GPR15: variants seen among roughly 807,000 people sequenced by gnomAD.
The protein encoded by GPR15 is brother of Bonzo.
Under a neutral mutation model 19.3 loss-of-function variants are expected in GPR15, and 16 were observed. The ratio of observed to expected loss-of-function variants is 0.83; its 90% CI spans 0.56 to 1.26. GPR15 has a LOEUF of 1.26. Among genes scored for constraint, GPR15 ranks in the 50% most tolerant of loss-of-function variants. The pLI is 0.00. For missense variants in GPR15, 458 were observed against 429.4 expected, an observed-to-expected ratio of 1.07 and a Z score of -0.59; for synonymous variants, 170 against 171.2, an observed-to-expected ratio of 0.99 and a Z score of 0.05.
In GPR15 at chr3:98,532,275, T is replaced by C; in HGVS notation, c.242T>C (p.Ile81Thr). The C allele has an allele frequency of 1.3e-5, 21 of 1,614,168 alleles. No homozygotes were observed. The highest frequency in any genetic ancestry group is 1.5e-5 in the Non-Finnish European group (18 of 1,180,032). Reference protein sequence around the residue: ...FIINLAASDFIFLVTLPLWVD... With the variant: ...FIINLAASDFTFLVTLPLWVD... Reference sequence around the variant, plus strand: ...ATCAATCTGGCTGCCTCTGACTTCATTTTTCTTGTCACATTGCCTCTCTGG... The same window carrying C: ...ATCAATCTGGCTGCCTCTGACTTCACTTTTCTTGTCACATTGCCTCTCTGG... Residue 81 changes from isoleucine to threonine, a missense_variant, in exon 1 of 1, where the codon ATT (isoleucine) becomes ACT (threonine). By Grantham distance (89) the Ile-to-Thr change is moderately conservative. Transcript: ENST00000284311.
Position 98,532,055 on chromosome 3 carries a change from G to A in GPR15, c.22G>A (p.Val8Ile). Reference protein sequence around the residue: MDPEETSVYLDYYYATSP... With the variant: MDPEETSIYLDYYYATSP... ...GGTGATGGACCCAGAAGAAACTTCAGTTTATTTGGATTATTACTATGCTAC... is the reference window on the plus strand; with the variant it reads ...GGTGATGGACCCAGAAGAAACTTCAATTTATTTGGATTATTACTATGCTAC... Residue 8 changes from valine (V) to isoleucine (I), a missense_variant, in exon 1 of 1, where the codon GTT (valine) becomes ATT (isoleucine). Transcript: ENST00000284311. 3.1e-6 allele frequency: 5 copies of A among 1,609,062 alleles called. No homozygotes were observed. Among genetic ancestry groups the A allele is most frequent in the Non-Finnish European group, 4.3e-6 (5 of 1,176,134 alleles).
Position 98,532,335 on chromosome 3 carries a change from C to G in GPR15, c.302C>G (p.Thr101Arg), listed in dbSNP as rs746880733. The G allele has an allele frequency of 1.9e-6, 3 of 1,614,010 alleles. No homozygotes were observed. The East Asian group carries it at 6.7e-5, about 36-fold the overall frequency. ...DKEASLGLWR[T>R]GSFLCKGSSY... ...GAAGCATCTCTAGGACTGTGGAGGA[C>G]GGGCTCCTTCCTGTGCAAAGGGAGC... The change falls in exon 1 of 1, where the codon ACG becomes AGG. Residue 101 changes from threonine to arginine, a missense_variant. Thr to Arg is a moderately conservative substitution (Grantham distance 71, BLOSUM62 -1). Transcript: ENST00000284311.
rs772378788 is a variant in GPR15, at chr3:98,533,991, A to T, written c.*875A>T. 6.6e-6 allele frequency among the ~76,000 whole-genome samples: 1 copy of T among 152,190 alleles called. No individual in the cohort carries two copies. Among genetic ancestry groups the T allele is most frequent in the Non-Finnish European group, 1.5e-5 (1 of 68,020 alleles). ...TTAATTACCCAGTTATCTAGTTATC[A>T]AATGAAAATGTTATTACTAATATAA... On this transcript the variant is annotated 3_prime_UTR_variant, in exon 1 of 1. Coordinates refer to ENST00000284311, the MANE Select transcript of GPR15 (RefSeq NM_005290.4).
chr3:98,533,067 T>C lies in GPR15; in HGVS notation c.1034T>C (p.Ile345Thr). 1 of 1,613,298 alleles carries C rather than the reference T, an allele frequency of 6.2e-7. No individual in the cohort carries two copies. Among genetic ancestry groups the C allele is most frequent in the Non-Finnish European group, 8.5e-7 (1 of 1,179,940 alleles). The change falls in exon 1 of 1, where the codon ATT (isoleucine) becomes ACT (threonine). Residue 345 changes from isoleucine to threonine, a missense_variant. Coordinates refer to ENST00000284311, the MANE Select transcript of GPR15 (RefSeq NM_005290.4). ...SHLTKALSTFIHAEDFARRRK... is the reference protein window; with the variant it reads ...SHLTKALSTFTHAEDFARRRK... ...CTCACTAAGGCTCTCTCCACCTTCA[T>C]TCATGCAGAAGATTTTGCCAGGAGG...
rs1045488008 is a variant in GPR15, at chr3:98,534,473, GA to G, written c.*1361del. 6.6e-5 allele frequency among the ~76,000 whole-genome samples: 10 copies of G among 152,062 alleles called. 1 individual carries two copies. The highest frequency in any genetic ancestry group is 2.9e-5 in the Non-Finnish European group (2 of 67,982). ...CATTTTACTTCTAAATATTAGATTT[GA>G]AAATCAGAAAAAACTTAGAATCCTT... is the stretch of plus-strand genomic sequence containing the variant. On this transcript the variant is annotated 3_prime_UTR_variant, in exon 1 of 1. Transcript: ENST00000284311.
Position 98,534,212 on chromosome 3 carries a change from A to G in GPR15, c.*1096A>G, listed in dbSNP as rs2107174526. On this transcript the variant is annotated 3_prime_UTR_variant, in exon 1 of 1. Transcript: ENST00000284311. ...GAAAATCTCTAACAAAGATCTCACT[A>G]GTATTTTATATATATTTTTTCCATA... Among the ~76,000 whole-genome samples, 1 of 152,284 alleles carries G rather than the reference A, an allele frequency of 6.6e-6. No homozygotes were observed. Among genetic ancestry groups the G allele is most frequent in the South Asian group, 2.1e-4 (1 of 4,832 alleles).
rs765989287 is a variant in GPR15 at position 98,532,080 on chromosome 3, C to G, written c.47C>G (p.Thr16Arg). 1.2e-6 allele frequency: 2 copies of G among 1,613,936 alleles called. No homozygotes were observed. Among genetic ancestry groups the G allele is most frequent in the South Asian group, 1.1e-5 (1 of 91,076 alleles). The stretch of plus-strand genomic sequence containing the variant: ...GTTTATTTGGATTATTACTATGCTA[C>G]GAGCCCAAACTCTGACATCAGGGAG... ...TSVYLDYYYA[T>R]SPNSDIRETH... is the part of the protein sequence containing the mutation. Residue 16 changes from threonine (T) to arginine (R), a missense_variant, in exon 1 of 1, where the codon ACG (threonine) becomes AGG (arginine). Transcript: ENST00000284311.
At position 98,532,090 on chromosome 3, in the gene GPR15, C is replaced by A; in HGVS notation, c.57C>A (p.Asn19Lys). The A allele has an allele frequency of 1.4e-5, 23 of 1,614,086 alleles. No individual in the cohort carries two copies. Among genetic ancestry groups the A allele is most frequent in the Non-Finnish European group, 1.9e-5 (22 of 1,179,936 alleles). Residue 19 changes from asparagine (N) to lysine (K), a missense_variant, in exon 1 of 1, where the codon AAC becomes AAA. Physicochemically the swap from Asn to Lys is moderately conservative, Grantham distance 94. Transcript: ENST00000284311. ...ATTATTACTATGCTACGAGCCCAAA[C>A]TCTGACATCAGGGAGACCCACTCCC... is the stretch of plus-strand genomic sequence containing the variant. ...YLDYYYATSP[N>K]SDIRETHSHV...
In GPR15 at chr3:98,532,841, C is replaced by T. The variant is rs184502691; in HGVS notation, c.808C>T (p.Arg270Trp). 72 of 1,613,898 alleles carry T rather than the reference C, an allele frequency of 4.5e-5. No individual in the cohort carries two copies. The Admixed American group carries it at 7.0e-4, about 16-fold the overall frequency. Residue 270 changes from arginine to tryptophan, a missense_variant, in exon 1 of 1, where the codon CGG becomes TGG. Physicochemically the swap from Arg to Trp is moderately radical, Grantham distance 101. Transcript: ENST00000284311. ...GTTCCTGGCCATTGTCTCTGGGTTG[C>T]GGCAAGAACACTATTTACCCTCAGC... is the stretch of plus-strand genomic sequence containing the variant. The part of the protein sequence containing the change: ...FKFLAIVSGL[R>W]QEHYLPSAIL...
chr3:98,532,795 G>A lies in GPR15; in HGVS notation c.762G>A (p.Trp254Ter), dbSNP rs1706658613. Residue 254 changes from tryptophan (W) to a stop codon, truncating the protein, a stop_gained, in exon 1 of 1, where the codon TGG becomes TGA. Coordinates refer to ENST00000284311, the MANE Select transcript of GPR15 (RefSeq NM_005290.4). LOFTEE classifies it high-confidence loss of function. ...TCGTGGCAGCCTTTCTTGTCTCCTG[G>A]CTGCCCTTCAATACTTTCAAGTTCC... is the stretch of plus-strand genomic sequence containing the variant. ...FIVVAAFLVS[W>*]LPFNTFKFLA... 1 of 1,613,802 alleles carries A rather than the reference G, an allele frequency of 6.2e-7. No individual in the cohort carries two copies. Among genetic ancestry groups the A allele is most frequent in the African/African-American group, 1.3e-5 (1 of 74,884 alleles).
chr3:98,532,182 G>A lies in GPR15; in HGVS notation c.149G>A (p.Gly50Glu), dbSNP rs1706645095. ...YTAVFLTGVL[G>E]NLVLMGALHF... ...GCTGTGTTCCTGACTGGAGTGCTGG[G>A]GAACCTTGTTCTCATGGGAGCGTTG... Residue 50 changes from glycine (G) to glutamate (E), a missense_variant, in exon 1 of 1, where the codon GGG becomes GAG. Coordinates refer to ENST00000284311, the MANE Select transcript of GPR15 (RefSeq NM_005290.4). 1.1e-5 allele frequency: 18 copies of A among 1,614,058 alleles called. No homozygotes were observed. The highest frequency in any genetic ancestry group is 6.7e-5 in the East Asian group (3 of 44,904).
chr3:98,533,878 C>G lies in GPR15; in HGVS notation c.*762C>G, dbSNP rs1033660339. Among the ~76,000 whole-genome samples the G allele has an allele frequency of 1.3e-5, 2 of 152,138 alleles. No individual in the cohort carries two copies. The highest frequency in any genetic ancestry group is 2.4e-5 in the African/African-American group (1 of 41,412). ...ATGTATCTCATTCATAATGGTGTAGCAACTACTTTTTAATGGGGTTTTACT... is the reference window on the plus strand; with the variant it reads ...ATGTATCTCATTCATAATGGTGTAGGAACTACTTTTTAATGGGGTTTTACT... On this transcript the variant is annotated 3_prime_UTR_variant, in exon 1 of 1. Transcript: ENST00000284311.
In GPR15 at chr3:98,532,054, A is replaced by G. The variant is rs570860091; in HGVS notation, c.21A>G (p.Ser7=). 30 of 1,607,718 alleles carry G rather than the reference A, an allele frequency of 1.9e-5. No homozygotes were observed. The highest frequency in any genetic ancestry group is 2.5e-5 in the Non-Finnish European group (29 of 1,175,248). Residue 7 remains serine (S), a synonymous_variant, in exon 1 of 1, where the codon TCA becomes TCG. Coordinates refer to ENST00000284311, the MANE Select transcript of GPR15 (RefSeq NM_005290.4). MDPEET[S]VYLDYYYATS... is the part of the protein sequence containing the mutation. Reference sequence around the variant, plus strand: ...TGGTGATGGACCCAGAAGAAACTTCAGTTTATTTGGATTATTACTATGCTA... The same window carrying G: ...TGGTGATGGACCCAGAAGAAACTTCGGTTTATTTGGATTATTACTATGCTA...
chr3:98,532,434 C>A lies in GPR15; in HGVS notation c.401C>A (p.Ala134Asp), dbSNP rs1312767972. 1 of 1,614,140 alleles carries A rather than the reference C, an allele frequency of 6.2e-7. No individual in the cohort carries two copies. The highest frequency in any genetic ancestry group is 1.7e-5 in the Admixed American group (1 of 60,020). Reference protein sequence around the residue: ...LTCMSVDRYLAIVWPVVSRKF... With the variant: ...LTCMSVDRYLDIVWPVVSRKF... Reference sequence around the variant, plus strand: ...TGCATGAGTGTTGACCGCTACCTGGCCATTGTGTGGCCAGTCGTATCCAGG... The same window carrying A: ...TGCATGAGTGTTGACCGCTACCTGGACATTGTGTGGCCAGTCGTATCCAGG... The change falls in exon 1 of 1, where the codon GCC becomes GAC. Residue 134 changes from alanine (A) to aspartate (D), a missense_variant. Transcript: ENST00000284311.
rs756664994 is a variant in GPR15, at chr3:98,532,889, G to A, written c.856G>A (p.Val286Met). The change falls in exon 1 of 1, where the codon GTG becomes ATG. Residue 286 changes from valine to methionine, a missense_variant. By Grantham distance (21) the Val-to-Met change is conservative. Transcript: ENST00000284311. The part of the protein sequence containing the change: ...PSAILQLGME[V>M]SGPLAFANSC... ...AGCTATTCTTCAGCTTGGTATGGAG[G>A]TGAGTGGACCCTTGGCATTTGCCAA... 30 of 1,614,026 alleles carry A rather than the reference G, an allele frequency of 1.9e-5. No homozygotes were observed. The highest frequency in any genetic ancestry group is 1.6e-4 in the Middle Eastern group (1 of 6,082).
chr3:98,533,360 A>G lies in GPR15; in HGVS notation c.*244A>G, dbSNP rs917131903. Among the ~76,000 whole-genome samples the G allele has an allele frequency of 1.3e-5, 2 of 152,118 alleles. No individual in the cohort carries two copies. The highest frequency in any genetic ancestry group is 2.9e-5 in the Non-Finnish European group (2 of 68,022). ...GTCCACCAGACAAAATCCAATTCCC[A>G]TCTGTCCTTGAACTCCTGGATAAAG... On this transcript the variant is annotated 3_prime_UTR_variant, in exon 1 of 1. Coordinates refer to ENST00000284311, the MANE Select transcript of GPR15 (RefSeq NM_005290.4).
chr3:98,532,997 A>C lies in GPR15; in HGVS notation c.964A>C (p.Lys322Gln). 6.2e-7 allele frequency: 1 copy of C among 1,614,060 alleles called. No individual in the cohort carries two copies. The change falls in exon 1 of 1, where the codon AAA becomes CAA. Residue 322 changes from lysine (K) to glutamine (Q), a missense_variant. Physicochemically the swap from Lys to Gln is moderately conservative, Grantham distance 53 (BLOSUM62 1). Coordinates refer to ENST00000284311, the MANE Select transcript of GPR15 (RefSeq NM_005290.4). ...TGTCCACTGCTTGTGCCCTTGCCTG[A>C]AAAACTATGACTTTGGGAGTAGCAC... ...AIVHCLCPCL[K>Q]NYDFGSSTET...
chr3:98,534,158 G>A lies in GPR15; in HGVS notation c.*1042G>A, dbSNP rs1706678740. ...AAGATAAGATCCAGTAATATAGGGA[G>A]ACAGGCTGCTCTGTATTCAGCCAAA... On this transcript the variant is annotated 3_prime_UTR_variant, in exon 1 of 1. Coordinates refer to ENST00000284311, the MANE Select transcript of GPR15 (RefSeq NM_005290.4). 6.6e-6 allele frequency among the ~76,000 whole-genome samples: 1 copy of A among 152,148 alleles called. No individual in the cohort carries two copies. The highest frequency in any genetic ancestry group is 1.5e-5 in the Non-Finnish European group (1 of 68,016).
At position 98,534,382 on chromosome 3, in the gene GPR15, A is replaced by T. The variant is rs1198898619; in HGVS notation, c.*1266A>T. ...CTGCAGCAGCAAGCATGCTATTGTA[A>T]ACATCTTTTGATTCAAGGGAAAGCG... On this transcript the variant is annotated 3_prime_UTR_variant, in exon 1 of 1. Coordinates refer to ENST00000284311, the MANE Select transcript of GPR15 (RefSeq NM_005290.4). 3.3e-5 allele frequency among the ~76,000 whole-genome samples: 5 copies of T among 152,190 alleles called. No individual in the cohort carries two copies. Among genetic ancestry groups the T allele is most frequent in the Non-Finnish European group, 5.9e-5 (4 of 68,010 alleles).
Sources: gnomAD v4.1 joint callset for allele counts (sites outside exome capture counted in the v4.1 genomes callset) on GRCh38, gnomAD v4.1.1 for gene constraint, MANE v1.5 for transcripts, NCBI Gene and HGNC (gene_info 2026-07-23, HGNC 2026-07-21) for gene names.